Variants in ALG9 observed in about 807,000 individuals in gnomAD.
ALG9 encodes alpha-1,2-mannosyltransferase ALG9.
In ALG9, 55 loss-of-function variants were observed where a neutral mutation model predicts 81.8. The observed-to-expected ratio is 0.67, with a 90% CI of 0.54 to 0.84. The LOEUF is 0.84. ALG9 is among the 40% of genes least tolerant of loss of function. The probability of loss-of-function intolerance (pLI) is 0.00; values close to 1 mark genes in which losing one functional copy is unlikely to be tolerated. For synonymous variants in ALG9, 278 were observed against 274.3 expected, an observed-to-expected ratio of 1.01 and a Z score of -0.13; for missense variants, 629 against 745.0, an observed-to-expected ratio of 0.84 and a Z score of 1.81.
intron 9 of ALG9, among the ~76,000 whole-genome samples, chr11:111,841,326 A>G (rs1335616266): frequency 1.3e-5 from 2 of 152,228 alleles, no homozygotes; most frequent in African/African-American, 4.8e-5. Flanking sequence ...ACTGGTTTTC[A>G]TCAAGCCACA....
At chr11:111,841,664 TG>T (rs1956236317) in intron 9 of ALG9, among the ~76,000 whole-genome samples, 1 of 152,202 alleles carries the variant, frequency 6.6e-6, no homozygotes. Context: ...GTGTCCACCA[TG>T]TTAACAGTAA....
At chr11:111,815,953 G>A (rs1204146805) in intron 13 of ALG9, among the ~76,000 whole-genome samples, 1 of 152,148 alleles carries the variant, frequency 6.6e-6, no homozygotes, top group Non-Finnish European at 1.5e-5. Context: ...ATCAATTCAA[G>A]TTAAACCCAA....
intron 9 of ALG9, among the ~76,000 whole-genome samples, chr11:111,843,325 G>A (rs967369033): frequency 7.9e-5 from 12 of 152,154 alleles, no homozygotes; most frequent in African/African-American, 1.2e-4. Flanking sequence ...AATTCAGTAC[G>A]TGACCCTTGT....
chr11:111,831,687 C>G (rs1439269701), intron 13 of ALG9, among the ~76,000 whole-genome samples: 5 of 152,192 alleles, frequency 3.3e-5, no homozygotes, highest in African/African-American at 1.2e-4. Context: ...TATAATCTCT[C>G]TAGATCTCAG....
Position 111,870,185 on chromosome 11 carries a change from T to C in ALG9, c.270+47A>G, listed in dbSNP as rs573282898. The C allele has an allele frequency of 7.5e-6, 12 of 1,594,944 alleles. No homozygotes were observed. In the East Asian group the frequency reaches 2.0e-4, roughly 27 times the overall value. On this transcript the variant is annotated intron_variant, in intron 2 of 14. Transcript: ENST00000616540. ...GTCTCTCGATTGGTAATAACACCTATGCTGCAAAATCAAGAACAAAAAGAG... is the reference window on the plus strand; with the variant it reads ...GTCTCTCGATTGGTAATAACACCTACGCTGCAAAATCAAGAACAAAAAGAG...
chr11:111,861,456 C>T (rs938249549), intron 4 of ALG9, among the ~76,000 whole-genome samples: 1 of 152,110 alleles, frequency 6.6e-6, no homozygotes, highest in Non-Finnish European at 1.5e-5. Context: ...GGTTTCCTTT[C>T]GTTTCCTTTC....
intron 14 of ALG9, among the ~76,000 whole-genome samples, chr11:111,803,091 A>G (rs1949374525): frequency 6.6e-6 from 1 of 152,246 alleles, no homozygotes; most frequent in South Asian, 2.1e-4. Context: ...TTTGATCTAT[A>G]GATTAAATAA....
At chr11:111,815,592 C>G (rs1371187787) in intron 13 of ALG9, among the ~76,000 whole-genome samples, 3 of 152,132 alleles carry the variant, frequency 2.0e-5, no homozygotes, top group Non-Finnish European at 4.4e-5. Flanking sequence ...CATTCAAGAA[C>G]AACTAAGGTT....
intron 2 of ALG9, 62 bp from the exon 3 acceptor site, chr11:111,868,798 G>C: frequency 6.8e-7 from 1 of 1,464,022 alleles, no homozygotes; most frequent in Admixed American, 2.2e-5. Flanking sequence ...TTAAGCAGAT[G>C]CAAGTGAAGT....
chr11:111,777,155 C>T, the ALG9 span, among the ~76,000 whole-genome samples: 1 of 152,150 alleles, frequency 6.6e-6, no homozygotes, highest in Non-Finnish European at 1.5e-5. Context: ...CAACTAAACA[C>T]ATTTTATGTT....
intron 3 of ALG9, among the ~76,000 whole-genome samples, chr11:111,866,692 ATAC>A (rs1555153356): frequency 6.6e-6 from 1 of 151,574 alleles, no homozygotes; most frequent in Non-Finnish European, 1.5e-5. Context: ...ATTTGAAGTG[ATAC>A]TAGATAGCCA....
intron 13 of ALG9, among the ~76,000 whole-genome samples, chr11:111,833,543 T>C (rs1163242234): frequency 6.6e-6 from 1 of 152,162 alleles, no homozygotes; most frequent in Non-Finnish European, 1.5e-5. Flanking sequence ...ACTTTCCTCG[T>C]TTCCATGCAC....
intron 13 of ALG9, among the ~76,000 whole-genome samples, chr11:111,815,409 TA>T (rs557508296): frequency 5.3e-5 from 8 of 151,388 alleles, no homozygotes; most frequent in Non-Finnish European, 1.0e-4. Context: ...TCTCTAAAAC[TA>T]AAAAAAAGAA....
chr11:111,796,259 T>C (rs1948266161), intron 14 of ALG9, among the ~76,000 whole-genome samples: 1 of 152,238 alleles, frequency 6.6e-6, no homozygotes, highest in Non-Finnish European at 1.5e-5. Context: ...TAAGACTCTA[T>C]AATGTGCTAG....
intron 14 of ALG9, among the ~76,000 whole-genome samples, chr11:111,808,548 A>G (rs1950249328): frequency 6.6e-6 from 1 of 152,192 alleles, no homozygotes; most frequent in African/African-American, 2.4e-5. Context: ...CTTTCTCTCC[A>G]TATTTCATTT....
intron 1 of ALG9, among the ~76,000 whole-genome samples, 189 bp from the exon 2 acceptor site, chr11:111,870,559 G>GA (rs1964009793): frequency 6.6e-6 from 1 of 151,974 alleles, no homozygotes; most frequent in African/African-American, 2.4e-5. Context: ...AGATTTTTAA[G>GA]AAAAAATTTT....
chr11:111,786,611 T>TA, intron 14 of ALG9, 91 bp from the exon 15 acceptor site: 1 of 1,352,476 alleles, frequency 7.4e-7, no homozygotes, highest in East Asian at 2.5e-5. Flanking sequence ...AACTAATCTG[T>TA]AGTAAGGATT....
chr11:111,834,029 C>T (rs1954819336), intron 13 of ALG9, among the ~76,000 whole-genome samples: 2 of 152,120 alleles, frequency 1.3e-5, no homozygotes, highest in Non-Finnish European at 1.5e-5. Context: ...TACATGACAC[C>T]GTCCTAGACA....
chr11:111,867,881 G>A (rs887533207), intron 3 of ALG9, among the ~76,000 whole-genome samples: 2 of 152,012 alleles, frequency 1.3e-5, no homozygotes, highest in Admixed American at 1.3e-4. Context: ...GCGTTAGTGG[G>A]AAGTCTCTAC....
Sources: gnomAD v4.1 joint callset for allele counts (sites outside exome capture counted in the v4.1 genomes callset) on GRCh38, gnomAD v4.1.1 for gene constraint, MANE v1.5 for transcripts, NCBI Gene and HGNC (gene_info 2026-07-23, HGNC 2026-07-21) for gene names.